CSMD1: variants seen among roughly 807,000 people sequenced by gnomAD.
CSMD1 encodes the protein CUB and sushi domain-containing protein 1.
A neutral mutation model predicts 417.5 loss-of-function variants in CSMD1; 213 were observed. The observed-to-expected ratio is 0.51, with a 90% CI of 0.46 to 0.57. The LOEUF (loss-of-function observed/expected upper bound fraction) is 0.57, where lower values mean the gene tolerates loss of function less well. Among genes scored for constraint, CSMD1 ranks in the 20% least tolerant of loss-of-function variants. CSMD1 has a pLI of 0.00. For missense variants in CSMD1, 6,923 were observed against 4,529.7 expected (o/e 1.53, Z -15.17); for synonymous variants, 2,862 against 1,736.8 (o/e 1.65, Z -16.11).
intron 1 of CSMD1, among the ~76,000 whole-genome samples, chr8:4,829,375 G>C (rs1176668856): frequency 1.3e-5 from 2 of 152,092 alleles, no homozygotes; most frequent in Non-Finnish European, 2.9e-5. Context: ...TCTGCTAAAA[G>C]CTAAAAACGT....
chr8:3,722,574 G>A (rs1368056999), intron 6 of CSMD1, among the ~76,000 whole-genome samples: 1 of 151,968 alleles, frequency 6.6e-6, no homozygotes, highest in Non-Finnish European at 1.5e-5. Context: ...CCAAAATACT[G>A]CCATTAATAA....
At chr8:3,243,229 G>T (rs894780647) in intron 26 of CSMD1, among the ~76,000 whole-genome samples, 2 of 152,120 alleles carry the variant, frequency 1.3e-5, no homozygotes, top group African/African-American at 4.8e-5. Context: ...ACCCGTGGTG[G>T]TAGGTGGATC....
intron 2 of CSMD1, among the ~76,000 whole-genome samples, chr8:4,490,765 G>C (rs1425372421): frequency 2.0e-5 from 3 of 152,192 alleles, no homozygotes; most frequent in Non-Finnish European, 1.5e-5. Context: ...TTGTGCACTA[G>C]CTCCACTAGG....
chr8:3,253,095 T>G (rs897074588), intron 26 of CSMD1, among the ~76,000 whole-genome samples: 28 of 152,198 alleles, frequency 1.8e-4, no homozygotes, highest in African/African-American at 6.5e-4. Context: ...TGCTCTTGGT[T>G]CTCCAGTTCT....
intron 56 of CSMD1, among the ~76,000 whole-genome samples, 155 bp downstream of exon 56, chr8:2,974,296 G>A (rs1053756448): frequency 3.9e-5 from 6 of 152,242 alleles, no homozygotes; most frequent in East Asian, 3.8e-4. Flanking sequence ...ATATCTATAA[G>A]AGCGGCGTAT....
chr8:3,928,468 G>C (rs893433052), intron 5 of CSMD1, among the ~76,000 whole-genome samples: 2 of 152,142 alleles, frequency 1.3e-5, no homozygotes, highest in Non-Finnish European at 2.9e-5. Context: ...CAATCTTTTT[G>C]TAGAAATAAA....
At chr8:3,040,460 C>A (rs1188553048) in intron 50 of CSMD1, among the ~76,000 whole-genome samples, 2 of 143,786 alleles carry the variant, frequency 1.4e-5, no homozygotes, top group Non-Finnish European at 3.0e-5. Context: ...AAATTGAAAT[C>A]TATCTATCTA....
At chr8:4,631,704 T>C (rs1802525587) in intron 2 of CSMD1, among the ~76,000 whole-genome samples, 1 of 152,218 alleles carries the variant, frequency 6.6e-6, no homozygotes, top group Non-Finnish European at 1.5e-5. Flanking sequence ...GAAAACCTAT[T>C]CTATTTTAAC....
At chr8:4,511,755 C>G (rs897212318) in intron 2 of CSMD1, among the ~76,000 whole-genome samples, 2 of 152,064 alleles carry the variant, frequency 1.3e-5, no homozygotes, top group Non-Finnish European at 2.9e-5. Context: ...ATTAGGGGGC[C>G]CATTCATGAC....
intron 3 of CSMD1, among the ~76,000 whole-genome samples, chr8:4,290,374 C>T (rs59849774): frequency 0.1 from 15,484 of 152,108 alleles, 937 homozygotes; most frequent in South Asian, 0.16. Context: ...GGGAGAGAAG[C>T]CCAAAGACGT....
At chr8:3,053,750 G>A (rs974747702) in intron 49 of CSMD1, among the ~76,000 whole-genome samples, 1 of 152,088 alleles carries the variant, frequency 6.6e-6, no homozygotes, top group African/African-American at 2.4e-5. Context: ...GATTACATGT[G>A]ACAGTCATGA....
At chr8:4,869,068 G>C (rs1378616379) in intron 1 of CSMD1, among the ~76,000 whole-genome samples, 1 of 151,594 alleles carries the variant, frequency 6.6e-6, no homozygotes, top group African/African-American at 2.4e-5. Context: ...TCAGTTTCCA[G>C]TTGAATTTTA....
intron 3 of CSMD1, among the ~76,000 whole-genome samples, chr8:4,349,504 C>A (rs1250056246): frequency 6.6e-6 from 1 of 152,100 alleles, no homozygotes; most frequent in East Asian, 1.9e-4. Flanking sequence ...CTAGAATCTA[C>A]CTTCTTTTTC....
chr8:3,098,055 T>C (rs1343491109), intron 46 of CSMD1, among the ~76,000 whole-genome samples: 1 of 152,020 alleles, frequency 6.6e-6, no homozygotes, highest in South Asian at 2.1e-4. Flanking sequence ...AACACTAGAG[T>C]CTCCTAATTA....
chr8:3,418,137 C>T (rs1029155047), intron 12 of CSMD1, among the ~76,000 whole-genome samples: 1 of 152,136 alleles, frequency 6.6e-6, no homozygotes, highest in Non-Finnish European at 1.5e-5. Context: ...TTGACTGAAA[C>T]AAGAATGAGA....
Position 4,091,703 on chromosome 8 carries a change from G to A in CSMD1, c.416-59604C>T, listed in dbSNP as rs146207164. 3.4e-3 allele frequency among the ~76,000 whole-genome samples: 523 copies of A among 152,296 alleles called. 2 individuals are homozygous for A. Among genetic ancestry groups the A allele is most frequent in the African/African-American group, 0.012 (499 of 41,568 alleles). On this transcript the variant is annotated intron_variant, in intron 3 of 69. Transcript: ENST00000635120. ...AAATCTGTGAAGACTTAGGAAAGCT[G>A]ATAAAGGCACAAGCCTCGCTTGGTG...
At chr8:4,262,122 G>C (rs528113083) in intron 3 of CSMD1, among the ~76,000 whole-genome samples, 5 of 152,038 alleles carry the variant, frequency 3.3e-5, no homozygotes, top group African/African-American at 9.7e-5. Context: ...TTCCTATAGA[G>C]AATTGTTAGA....
chr8:3,883,015 T>G (rs1429757580), intron 5 of CSMD1, among the ~76,000 whole-genome samples: 1 of 152,160 alleles, frequency 6.6e-6, no homozygotes, highest in Non-Finnish European at 1.5e-5. Flanking sequence ...CATGCATATT[T>G]TATCCTGAAC....
At chr8:4,395,136 T>G (rs942202655) in intron 3 of CSMD1, among the ~76,000 whole-genome samples, 2 of 152,162 alleles carry the variant, frequency 1.3e-5, no homozygotes, top group South Asian at 4.1e-4. Flanking sequence ...CTGAAGCCCT[T>G]TGTCCCTGCT....
Sources: gnomAD v4.1 joint callset for allele counts (sites outside exome capture counted in the v4.1 genomes callset) on GRCh38, gnomAD v4.1.1 for gene constraint, MANE v1.5 for transcripts, NCBI Gene and HGNC (gene_info 2026-07-23, HGNC 2026-07-21) for gene names.